Variants in OTUD7B observed in about 807,000 individuals in gnomAD.
OTUD7B encodes OTU deubiquitinase 7B.
A neutral mutation model predicts 82.2 loss-of-function variants in OTUD7B; 34 were observed. That is an observed-to-expected ratio of 0.41 (90% CI 0.31 to 0.55). The LOEUF (loss-of-function observed/expected upper bound fraction) is 0.55. OTUD7B is among the 20% of genes least tolerant of loss of function. The pLI is 0.20. For missense variants in OTUD7B, 944 were observed against 1,062.1 expected, an observed-to-expected ratio of 0.89 and a Z score of 1.55; for synonymous variants, 398 against 402.7, an observed-to-expected ratio of 0.99 and a Z score of 0.14.
intron 1 of OTUD7B, among the ~76,000 whole-genome samples, chr1:149,986,273 A>ACACACACACACACACG (rs1228786112): frequency 3.0e-4 from 45 of 151,302 alleles, no homozygotes; most frequent in African/African-American, 1.0e-3. Flanking sequence ...ACACACACAC[A>ACACACACACACACACG]GTACTGTTGA....
At chr1:149,955,036 TATCTCC>T (rs1489477107) in intron 7 of OTUD7B, among the ~76,000 whole-genome samples, 1 of 152,250 alleles carries the variant, frequency 6.6e-6, no homozygotes, top group Non-Finnish European at 1.5e-5. Context: ...TTTGTGTCTC[TATCTCC>T]TTCAGTTCTG....
intron 2 of OTUD7B, among the ~76,000 whole-genome samples, chr1:149,976,088 C>T (rs587765349): frequency 6.6e-6 from 1 of 151,934 alleles, no homozygotes; most frequent in South Asian, 2.1e-4. Flanking sequence ...GGAATTTAAA[C>T]CCTGATCTTC....
the OTUD7B span, chr1:150,067,619 T>C: frequency 4.3e-5 from 22 of 508,068 alleles, no homozygotes; most frequent in South Asian, 6.6e-4. Flanking sequence ...GGGTGGAGAA[T>C]AACGCCCGCG....
At chr1:150,022,396 CAAAAAAAAAAAAA>C in the OTUD7B span, among the ~76,000 whole-genome samples, 7 of 6,084 alleles carry the variant, frequency 1.2e-3, 1 homozygote, top group Admixed American at 6.0e-3. Context: ...AAACTCTCTA[CAAAAAAAAAAAAA>C]AAAAAAAAAA....
At chr1:150,031,826 A>C in the OTUD7B span, among the ~76,000 whole-genome samples, 1 of 152,232 alleles carries the variant, frequency 6.6e-6, no homozygotes, top group Non-Finnish European at 1.5e-5. Flanking sequence ...AACATATGTG[A>C]AGTGCTTAAA....
intron 11 of OTUD7B, among the ~76,000 whole-genome samples, chr1:149,947,014 T>C (rs1477912499): frequency 6.6e-6 from 1 of 151,770 alleles, no homozygotes; most frequent in Non-Finnish European, 1.5e-5. Flanking sequence ...GATTGTGCCA[T>C]TGCACTCCAG....
At chr1:149,956,824 A>G (rs1337880113) in intron 7 of OTUD7B, among the ~76,000 whole-genome samples, 1 of 152,132 alleles carries the variant, frequency 6.6e-6, no homozygotes, top group Non-Finnish European at 1.5e-5. Context: ...ACTTGATTGA[A>G]TCAGCTACTG....
At chr1:149,977,604 C>G (rs1381007053) in intron 1 of OTUD7B, 28 bp from the exon 2 acceptor site, 1 of 848,930 alleles carries the variant, frequency 1.2e-6, no homozygotes, top group Non-Finnish European at 2.0e-6. Context: ...ACATAAGGCT[C>G]AAATTACACT....
chr1:149,997,158 G>C (rs1651974528), intron 1 of OTUD7B, among the ~76,000 whole-genome samples: 1 of 152,112 alleles, frequency 6.6e-6, no homozygotes. Flanking sequence ...TCAGAAAATT[G>C]TATTTTCAAT....
At chr1:150,009,401 T>C (rs1652878341) in intron 1 of OTUD7B, among the ~76,000 whole-genome samples, 1 of 152,170 alleles carries the variant, frequency 6.6e-6, no homozygotes, top group Non-Finnish European at 1.5e-5. Flanking sequence ...GGATCCAGCC[T>C]CCTCAAAAAT....
the OTUD7B span, among the ~76,000 whole-genome samples, chr1:150,049,548 A>G: frequency 6.6e-6 from 1 of 151,766 alleles, no homozygotes; most frequent in Non-Finnish European, 1.5e-5. Context: ...CACATCCCCA[A>G]GTTCAAATCT....
At chr1:149,982,241 T>C (rs1650804149) in intron 1 of OTUD7B, among the ~76,000 whole-genome samples, 1 of 54,892 alleles carries the variant, frequency 1.8e-5, no homozygotes, top group Admixed American at 2.8e-4. Context: ...TATTCCCAAT[T>C]TATAAACAGA....
intron 1 of OTUD7B, among the ~76,000 whole-genome samples, chr1:150,000,996 A>T (rs1005172959): frequency 9.2e-5 from 14 of 151,976 alleles, no homozygotes; most frequent in South Asian, 8.3e-4. Flanking sequence ...AATAAATAAT[A>T]AATAAATAAA....
At chr1:150,038,129 G>A in the OTUD7B span, among the ~76,000 whole-genome samples, 19 of 152,002 alleles carry the variant, frequency 1.2e-4, no homozygotes, top group Admixed American at 1.2e-3. Flanking sequence ...AAAGTGCTAG[G>A]ATTACAGGCG....
At chr1:149,997,342 T>C (rs1651984828) in intron 1 of OTUD7B, among the ~76,000 whole-genome samples, 1 of 152,332 alleles carries the variant, frequency 6.6e-6, no homozygotes, top group African/African-American at 2.4e-5. Context: ...AATACTCAAT[T>C]GATTTATAGT....
chr1:149,953,660 C>T (rs587742195), intron 7 of OTUD7B, among the ~76,000 whole-genome samples: 1 of 152,254 alleles, frequency 6.6e-6, no homozygotes, highest in South Asian at 2.1e-4. Flanking sequence ...TTTCACGATA[C>T]TGAGTCTTCC....
the OTUD7B span, among the ~76,000 whole-genome samples, chr1:150,042,099 T>C: frequency 7.5e-6 from 1 of 133,372 alleles, no homozygotes; most frequent in Admixed American, 7.6e-5. Context: ...AATGCAGAGG[T>C]GCAGACCCTC....
chr1:149,992,415 T>A (rs1460417476), intron 1 of OTUD7B, among the ~76,000 whole-genome samples: 1 of 150,036 alleles, frequency 6.7e-6, no homozygotes, highest in Admixed American at 6.6e-5. Flanking sequence ...AAGCTACTTA[T>A]CATACACCAT....
chr1:149,950,321 G>A, intron 7 of OTUD7B, 100 bp from the exon 8 acceptor site: 2 of 1,192,932 alleles, frequency 1.7e-6, no homozygotes, highest in African/African-American at 1.5e-5. Context: ...GGGAAAAGAA[G>A]AATGTCCTTT....
Sources: allele counts gnomAD v4.1 joint callset (sites outside exome capture counted in the v4.1 genomes callset), GRCh38; gene constraint gnomAD v4.1.1; transcripts MANE v1.5; gene names NCBI Gene and HGNC (gene_info 2026-07-23, HGNC 2026-07-21).